FNDC3B: variants seen among roughly 807,000 people sequenced by gnomAD.
FNDC3B encodes fibronectin type III domain-containing protein 3B.
FNDC3B carries 12 observed loss-of-function variants against 151.5 expected under a neutral mutation model. The ratio of observed to expected loss-of-function variants is 0.08; its 90% CI spans 0.05 to 0.13. The LOEUF is 0.13. Ranked by LOEUF, FNDC3B falls within the 10% of genes least tolerant of loss-of-function variation. The pLI is 1.00. For synonymous variants in FNDC3B, 528 were observed against 549.0 expected (o/e 0.96, Z 0.54); for missense variants, 1,214 against 1,505.3 (o/e 0.81, Z 3.20).
intron 3 of FNDC3B, among the ~76,000 whole-genome samples, chr3:172,222,447 G>A (rs190357780): frequency 4.1e-4 from 62 of 152,336 alleles, no homozygotes; most frequent in Non-Finnish European, 7.8e-4. Context: ...CAGAATGGGT[G>A]AATGTTGTGA....
At chr3:172,195,822 C>A (rs1404534103) in intron 3 of FNDC3B, among the ~76,000 whole-genome samples, 1 of 152,154 alleles carries the variant, frequency 6.6e-6, no homozygotes, top group Non-Finnish European at 1.5e-5. Context: ...GTCAGAGTGC[C>A]TGGACCCAAT....
intron 15 of FNDC3B, among the ~76,000 whole-genome samples, chr3:172,336,709 T>C (rs971275017): frequency 1.1e-4 from 17 of 152,002 alleles, no homozygotes; most frequent in African/African-American, 3.6e-4. Flanking sequence ...AAGACCAGCC[T>C]GACTAACGTG....
chr3:172,248,356 A>G (rs972860576), intron 5 of FNDC3B, among the ~76,000 whole-genome samples: 3 of 152,104 alleles, frequency 2.0e-5, no homozygotes, highest in Admixed American at 2.0e-4. Context: ...TGCAGCCGCA[A>G]TTTCACTGAT....
chr3:172,181,666 T>G (rs1723912345), intron 3 of FNDC3B, among the ~76,000 whole-genome samples: 1 of 150,574 alleles, frequency 6.6e-6, no homozygotes, highest in African/African-American at 2.4e-5. Flanking sequence ...CCATCTCTAC[T>G]AAAAATACAA....
intron 6 of FNDC3B, among the ~76,000 whole-genome samples, chr3:172,252,163 T>C (rs975847668): frequency 2.6e-5 from 4 of 152,104 alleles, no homozygotes; most frequent in African/African-American, 9.7e-5. Flanking sequence ...ATCAGTTCAT[T>C]TGGAGGAAGG....
rs148124110 is a variant in FNDC3B, at chr3:172,240,312, G to T, written c.265-7221G>T. ...CTGTATGTGCCTCACAGGATTGTTG[G>T]CAGGATTTAGTGGAGTGGTAACATT... On this transcript the variant is annotated intron_variant, in intron 4 of 25. Transcript: ENST00000415807. Among the ~76,000 whole-genome samples, 18 of 152,260 alleles carry T rather than the reference G, an allele frequency of 1.2e-4. No individual in the cohort carries two copies. The East Asian group carries it at 2.7e-3, about 23-fold the overall frequency.
At chr3:172,277,837 C>A (rs1452723702) in intron 6 of FNDC3B, among the ~76,000 whole-genome samples, 1 of 152,104 alleles carries the variant, frequency 6.6e-6, no homozygotes, top group Non-Finnish European at 1.5e-5. Flanking sequence ...GTTTTATATA[C>A]CCACTTTCTT....
intron 25 of FNDC3B, among the ~76,000 whole-genome samples, chr3:172,387,969 G>A (rs1735805823): frequency 6.6e-6 from 1 of 152,348 alleles, no homozygotes; most frequent in African/African-American, 2.4e-5. Flanking sequence ...CATAGCAGGG[G>A]AGACACGGCG....
chr3:172,150,568 T>C (rs1264837828), intron 3 of FNDC3B, among the ~76,000 whole-genome samples: 1 of 152,102 alleles, frequency 6.6e-6, no homozygotes, highest in African/African-American at 2.4e-5. Context: ...TGGTGTCATT[T>C]TGTCAAATCT....
intron 6 of FNDC3B, among the ~76,000 whole-genome samples, chr3:172,257,745 TA>T (rs1669945842): frequency 6.6e-6 from 1 of 152,144 alleles, no homozygotes; most frequent in Admixed American, 6.5e-5. Context: ...AGACCAGCAG[TA>T]TCAGTACCAT....
At chr3:172,209,864 C>T (rs1455351870) in intron 3 of FNDC3B, among the ~76,000 whole-genome samples, 1 of 152,280 alleles carries the variant, frequency 6.6e-6, no homozygotes, top group African/African-American at 2.4e-5. Context: ...TGGCCTCCTT[C>T]CCATGCTCGT....
intron 4 of FNDC3B, among the ~76,000 whole-genome samples, chr3:172,242,141 T>G (rs13068483): frequency 6.6e-6 from 1 of 152,162 alleles, no homozygotes; most frequent in African/African-American, 2.4e-5. Context: ...AGGCAAGAGG[T>G]GGGTTCCCAT....
intron 6 of FNDC3B, among the ~76,000 whole-genome samples, chr3:172,281,096 G>A (rs1729685823): frequency 6.6e-6 from 1 of 151,906 alleles, no homozygotes; most frequent in Admixed American, 6.6e-5. Context: ...TGAATTAGAG[G>A]CGCCCAACTT....
rs137946542 is a variant in FNDC3B, at chr3:172,362,794, A to G, written c.2957A>G (p.His986Arg). ...TGGGGAGACAGTAACTCCAAGACAC[A>G]TGCTGCTGAGGACATTGTGTACACA... ...LKWGDSNSKT[H>R]AAEDIVYTLQ... Residue 986 changes from histidine to arginine, a missense_variant, in exon 23 of 26, where the codon CAT becomes CGT. By Grantham distance (29) the His-to-Arg change is conservative. Around this residue, in one of 7 missense-constraint regions of FNDC3B, gnomAD observed 284 missense variants for 392.4 expected, o/e 0.72. Coordinates refer to ENST00000415807, the MANE Select transcript of FNDC3B (RefSeq NM_022763.4). 142 of 1,613,942 alleles carry G rather than the reference A, an allele frequency of 8.8e-5. No individual in the cohort carries two copies. Among genetic ancestry groups the G allele is most frequent in the African/African-American group, 1.5e-4 (11 of 74,916 alleles).
chr3:172,276,169 T>C (rs1729420575), intron 6 of FNDC3B, among the ~76,000 whole-genome samples: 1 of 152,208 alleles, frequency 6.6e-6, no homozygotes, highest in African/African-American at 2.4e-5. Flanking sequence ...GGATAATTTC[T>C]ACTTTATGCC....
chr3:172,047,915 C>T (rs150982485), intron 1 of FNDC3B, among the ~76,000 whole-genome samples: 2 of 152,268 alleles, frequency 1.3e-5, no homozygotes, highest in East Asian at 3.9e-4. Context: ...TTAAGAGCAT[C>T]ATTATTGCTT....
intron 4 of FNDC3B, among the ~76,000 whole-genome samples, chr3:172,243,383 G>A (rs1408631275): frequency 1.3e-5 from 2 of 152,208 alleles, no homozygotes; most frequent in Admixed American, 6.5e-5. Context: ...AAGGAAAGAG[G>A]TTTAATTGGA....
chr3:172,220,624 A>G (rs1160101958), intron 3 of FNDC3B, among the ~76,000 whole-genome samples: 1 of 152,028 alleles, frequency 6.6e-6, no homozygotes, highest in African/African-American at 2.4e-5. Flanking sequence ...TTCTTCTAAG[A>G]GTTTTATTTT....
At chr3:172,249,794 G>GT (rs1727974050) in intron 5 of FNDC3B, among the ~76,000 whole-genome samples, 1 of 152,088 alleles carries the variant, frequency 6.6e-6, no homozygotes, top group African/African-American at 2.4e-5. Flanking sequence ...ATGAAGATTT[G>GT]TTTTTTAACA....
Sources: gnomAD v4.1 joint callset for allele counts (sites outside exome capture counted in the v4.1 genomes callset) on GRCh38, gnomAD v4.1.1 for gene constraint, gnomAD v4.1.1 regional missense constraint, MANE v1.5 for transcripts, NCBI Gene and HGNC (gene_info 2026-07-23, HGNC 2026-07-21) for gene names.